The following DIS3L2 variants were observed in gnomAD, a reference collection of about 807,000 sequenced individuals.
DIS3L2 encodes DIS3-like exonuclease 2.
DIS3L2 carries 34 observed loss-of-function variants against 97.5 expected under a neutral mutation model. The ratio of observed to expected loss-of-function variants is 0.35; its 90% CI spans 0.27 to 0.46. The LOEUF is 0.46. DIS3L2 is among the 20% of genes least tolerant of loss of function. DIS3L2 has a pLI of 1.00. For missense variants in DIS3L2, 1,038 were observed against 1,146.0 expected, an observed-to-expected ratio of 0.91 and a Z score of 1.36; for synonymous variants, 435 against 445.2, an observed-to-expected ratio of 0.98 and a Z score of 0.29.
rs185703477 is a variant in DIS3L2 at position 232,074,087 on chromosome 2, A to G, written c.367-13400A>G. On this transcript the variant is annotated intron_variant, in intron 5 of 20. Coordinates refer to ENST00000325385, the MANE Select transcript of DIS3L2 (RefSeq NM_152383.5). ...ACTTTATGGTTATATTTGCATTTAT[A>G]TTGAAAACTGGAGTTATAATTTAGA... is the stretch of plus-strand genomic sequence containing the variant. 1.6e-3 allele frequency among the ~76,000 whole-genome samples: 246 copies of G among 152,324 alleles called. 1 individual carries two copies. Among genetic ancestry groups the G allele is most frequent in the Non-Finnish European group, 3.1e-4 (21 of 68,034 alleles).
At chr2:232,335,248 G>C (rs1360528163) in intron 19 of DIS3L2, 1 of 176,540 alleles carries the variant, frequency 5.7e-6, no homozygotes, top group Admixed American at 5.6e-5. Flanking sequence ...TCTGTGCCTG[G>C]CTTTGAATTT....
intron 1 of DIS3L2, among the ~76,000 whole-genome samples, chr2:231,978,094 G>T (rs1693149868): frequency 6.6e-6 from 1 of 152,194 alleles, no homozygotes; most frequent in Admixed American, 6.5e-5. Context: ...ATTGAGTCTA[G>T]AATTAAAAGA....
intron 13 of DIS3L2, among the ~76,000 whole-genome samples, chr2:232,264,394 G>T (rs1693801081): frequency 6.6e-6 from 1 of 152,204 alleles, no homozygotes; most frequent in Admixed American, 6.5e-5. Context: ...GCAGCCCTCT[G>T]GGACTTAGGT....
downstream of DIS3L2, among the ~76,000 whole-genome samples, chr2:232,337,738 G>A (rs368213583): frequency 6.6e-6 from 1 of 151,852 alleles, no homozygotes; most frequent in African/African-American, 2.4e-5. Flanking sequence ...AAGCTCATTT[G>A]ATCTGGTTAC....
intron 5 of DIS3L2, among the ~76,000 whole-genome samples, chr2:232,073,631 T>C (rs1696099320): frequency 6.6e-6 from 1 of 152,208 alleles, no homozygotes. Context: ...ACAGGGAAGC[T>C]ATGAAATGTT....
In DIS3L2 at chr2:232,142,707, T is replaced by C. The variant is rs144179928; in HGVS notation, c.950+5988T>C. Among the ~76,000 whole-genome samples, 112 of 152,328 alleles carry C rather than the reference T, an allele frequency of 7.4e-4. 1 individual carries two copies. Among genetic ancestry groups the C allele is most frequent in the African/African-American group, 2.5e-3 (104 of 41,576 alleles). ...CTATTCCTTAAGTGCTACTTTCTGC[T>C]GTGTCATAGTACTGAGCCATAAGAA... On this transcript the variant is annotated intron_variant, in intron 8 of 20. Transcript: ENST00000325385.
intron 12 of DIS3L2, among the ~76,000 whole-genome samples, chr2:232,258,791 G>A (rs947665439): frequency 2.0e-5 from 3 of 152,170 alleles, no homozygotes; most frequent in Admixed American, 6.5e-5. Flanking sequence ...GTAATGAGGT[G>A]TTCCATACAG....
intron 5 of DIS3L2, among the ~76,000 whole-genome samples, chr2:232,086,213 A>C (rs1490933761): frequency 6.6e-6 from 1 of 151,930 alleles, no homozygotes; most frequent in Non-Finnish European, 1.5e-5. Flanking sequence ...ATACGTATAT[A>C]TACACACGTA....
At chr2:232,130,212 C>T (rs1054220457) in intron 6 of DIS3L2, among the ~76,000 whole-genome samples, 37 of 152,204 alleles carry the variant, frequency 2.4e-4, no homozygotes, top group African/African-American at 7.5e-4. Flanking sequence ...TAAAAGTTAA[C>T]ATTTATTATG....
chr2:232,305,245 T>G (rs1694958241), intron 14 of DIS3L2, among the ~76,000 whole-genome samples: 1 of 151,948 alleles, frequency 6.6e-6, no homozygotes, highest in South Asian at 2.1e-4. Flanking sequence ...AGGGCTAATT[T>G]TTTTGTATTT....
chr2:232,087,519 A>G lies in DIS3L2; in HGVS notation c.399A>G (p.Thr133=), dbSNP rs748428296. ...AACCAGAGAGCAATGACAAAGAAAC[A>G]GAAGCTGCGTATGAATCAGATATCC... ...VVKPESNDKE[T]EAAYESDIPE... Residue 133 remains threonine (T), a synonymous_variant, in exon 6 of 21, where the codon ACA becomes ACG. Coordinates refer to ENST00000325385, the MANE Select transcript of DIS3L2 (RefSeq NM_152383.5). The G allele has an allele frequency of 8.1e-6, 13 of 1,613,996 alleles. 1 individual carries two copies. The Middle Eastern group carries it at 1.2e-3, about 143-fold the overall frequency.
At chr2:232,282,142 T>TAAAAAA (rs60408194) in intron 13 of DIS3L2, among the ~76,000 whole-genome samples, 1 of 107,156 alleles carries the variant, frequency 9.3e-6, no homozygotes, top group African/African-American at 3.4e-5. Context: ...CTCGTTTATT[T>TAAAAAA]AAAAAAAAAA....
intron 14 of DIS3L2, among the ~76,000 whole-genome samples, chr2:232,305,360 G>C (rs922738747): frequency 2.0e-5 from 3 of 152,182 alleles, no homozygotes; most frequent in Non-Finnish European, 4.4e-5. Flanking sequence ...TTACAGGCGT[G>C]AGCCACCACG....
chr2:231,966,348 T>G (rs1692713978), intron 1 of DIS3L2, among the ~76,000 whole-genome samples: 1 of 152,072 alleles, frequency 6.6e-6, no homozygotes, highest in African/African-American at 2.4e-5. Context: ...TTTTGTATTT[T>G]AAGTAGAGAC....
chr2:232,082,576 C>G (rs1213643666), intron 5 of DIS3L2, among the ~76,000 whole-genome samples: 1 of 152,076 alleles, frequency 6.6e-6, no homozygotes, highest in East Asian at 1.9e-4. Flanking sequence ...CGTAACAGCC[C>G]CCTACTTCTG....
chr2:232,047,438 A>G (rs1695272832), intron 5 of DIS3L2, among the ~76,000 whole-genome samples: 1 of 152,252 alleles, frequency 6.6e-6, no homozygotes, highest in Non-Finnish European at 1.5e-5. Flanking sequence ...TTAATAAATG[A>G]GGCACCTGTA....
intron 5 of DIS3L2, among the ~76,000 whole-genome samples, chr2:232,083,499 T>C (rs974321482): frequency 4.5e-4 from 67 of 150,024 alleles, no homozygotes; most frequent in East Asian, 1.9e-3. Context: ...TCTTCTTCTT[T>C]TTTTTTTTTT....
At chr2:232,222,123 A>T (rs551957923) in intron 10 of DIS3L2, among the ~76,000 whole-genome samples, 1 of 152,032 alleles carries the variant, frequency 6.6e-6, no homozygotes, top group East Asian at 2.0e-4. Context: ...TTGTATTTTT[A>T]GCAGAAACAG....
At chr2:232,045,849 A>AT (rs1454896195) in intron 5 of DIS3L2, among the ~76,000 whole-genome samples, 6 of 151,504 alleles carry the variant, frequency 4.0e-5, no homozygotes, top group African/African-American at 1.5e-4. Context: ...TAATTTTTGT[A>AT]TTTTTAGTAG....
Sources: gnomAD v4.1 joint callset for allele counts (sites outside exome capture counted in the v4.1 genomes callset) on GRCh38, gnomAD v4.1.1 for gene constraint, MANE v1.5 for transcripts, NCBI Gene and HGNC (gene_info 2026-07-23, HGNC 2026-07-21) for gene names.